MCOLN1: variants seen among roughly 807,000 people sequenced by gnomAD.
MCOLN1 encodes mucolipin TRP cation channel 1.
In MCOLN1, 50 loss-of-function variants were observed where a neutral mutation model predicts 70.3. The observed-to-expected ratio is 0.71, with a 90% CI of 0.57 to 0.90. MCOLN1 has a LOEUF of 0.90. Among genes scored for constraint, MCOLN1 ranks in the 40% least tolerant of loss-of-function variants. MCOLN1 has a pLI of 0.00. For synonymous variants in MCOLN1, 366 were observed against 341.0 expected (o/e 1.07, Z -0.81); for missense variants, 598 against 803.5 (o/e 0.74, Z 3.09).
intron 12 of MCOLN1, among the ~76,000 whole-genome samples, chr19:7,531,824 T>C (rs2022657096): frequency 6.6e-6 from 1 of 151,862 alleles, no homozygotes. Flanking sequence ...CACGCCACCA[T>C]GCCTGGCTAA....
At chr19:7,533,203 A>C (rs2022688366) in intron 12 of MCOLN1, among the ~76,000 whole-genome samples, 1 of 152,210 alleles carries the variant, frequency 6.6e-6, no homozygotes, top group Admixed American at 6.5e-5. Flanking sequence ...TGCTGTGCTC[A>C]GCGTGCATCC....
In MCOLN1 at chr19:7,526,889, C is replaced by T. The variant is rs2022579596; in HGVS notation, c.534C>T (p.Ala178=). ...RYYHRGHVDP[A]NDTFDIDPMV... ...ACCACCGAGGCCACGTGGACCCGGC[C>T]AACGACACATTTGACATTGATCCGA... The change falls in exon 4 of 14, where the codon GCC becomes GCT. Residue 178 remains alanine, a synonymous_variant. Transcript: ENST00000264079. The surrounding 1 kb of genome is among the most constrained non-coding windows in gnomAD (Gnocchi z 4.6). 6.2e-7 allele frequency: 1 copy of T among 1,613,822 alleles called. No individual in the cohort carries two copies. The highest frequency in any genetic ancestry group is 1.7e-5 in the Admixed American group (1 of 59,980).
intron 5 of MCOLN1, 100 bp from the exon 6 acceptor site, chr19:7,527,764 C>T (rs773519244): frequency 4.3e-6 from 5 of 1,168,708 alleles, no homozygotes; most frequent in Non-Finnish European, 6.5e-6. Flanking sequence ...GAGCACTTCC[C>T]CTGCCAGCTG....
Position 7,528,718 on chromosome 19 carries a change from T to C in MCOLN1, c.984+15T>C. On this transcript the variant is annotated intron_variant, in intron 8 of 13. Coordinates refer to ENST00000264079, the MANE Select transcript of MCOLN1 (RefSeq NM_020533.3). This position sits in a 1 kb window ranked among gnomAD's most constrained non-coding sequence, Gnocchi z 4.2. ...TGCTGCAGAACGTGAGGCTTCTGCG[T>C]CATGTGTGCTGGTGTCCTCCCCGCC... 1.2e-6 allele frequency: 2 copies of C among 1,614,164 alleles called. No homozygotes were observed. Among genetic ancestry groups the C allele is most frequent in the Non-Finnish European group, 8.5e-7 (1 of 1,180,010 alleles).
In MCOLN1 at chr19:7,530,332, A is replaced by G. The variant is rs797044818; in HGVS notation, c.1406A>G (p.Asn469Ser). The stretch of plus-strand genomic sequence containing the variant: ...TCTGAGTGCCTGTTCTCGCTCATCA[A>G]TGGGGACGACATGTTTGTGACGTTC... The part of the protein sequence containing the change: ...MVSECLFSLI[N>S]GDDMFVTFAA... The change falls in exon 12 of 14, where the codon AAT (asparagine) becomes AGT (serine). Residue 469 changes from asparagine to serine, a missense_variant. Physicochemically the swap from Asn to Ser is conservative, Grantham distance 46 (BLOSUM62 1). Coordinates refer to ENST00000264079, the MANE Select transcript of MCOLN1 (RefSeq NM_020533.3). 17 of 1,613,584 alleles carry G rather than the reference A, an allele frequency of 1.1e-5. No homozygotes were observed. Among genetic ancestry groups the G allele is most frequent in the East Asian group, 2.2e-5 (1 of 44,898 alleles).
chr19:7,527,744 C>T (rs368025676), intron 5 of MCOLN1, 116 bp downstream of exon 5: 39 of 1,094,200 alleles, frequency 3.6e-5, no homozygotes, highest in East Asian at 2.4e-4. Context: ...CGCGCTGGTG[C>T]CTGCTGGGTG....
Position 7,522,668 on chromosome 19 carries a change from A to G in MCOLN1, c.-83A>G, listed in dbSNP as rs549309682. ...AGGGTTTGAAGCCGCGCCGCGAGGG[A>G]GCGAGGTCGCAGTGACAGCGGCGGG... is the stretch of plus-strand genomic sequence containing the variant. On this transcript the variant is annotated 5_prime_UTR_variant, in exon 1 of 14. Transcript: ENST00000264079. The G allele has an allele frequency of 4.5e-5, 61 of 1,361,990 alleles. No individual in the cohort carries two copies. Among genetic ancestry groups the G allele is most frequent in the Admixed American group, 2.5e-4 (9 of 36,500 alleles). 84.4% of individuals were successfully genotyped at this position (1,361,990 alleles called of 1,614,324 possible).
At chr19:7,530,067 C>T (rs1002696372) in intron 11 of MCOLN1, among the ~76,000 whole-genome samples, 15 of 151,496 alleles carry the variant, frequency 9.9e-5, no homozygotes, top group African/African-American at 3.2e-4. Flanking sequence ...GCCTGGGTCC[C>T]GGCCATTCAC....
intron 12 of MCOLN1, among the ~76,000 whole-genome samples, chr19:7,532,634 G>C (rs1242226694): frequency 6.6e-6 from 1 of 152,184 alleles, no homozygotes; most frequent in Admixed American, 6.5e-5. Flanking sequence ...AGAATTGCTT[G>C]AACCTGGGAC....
At chr19:7,527,650 G>A (rs769565701) in intron 5 of MCOLN1, 22 bp downstream of exon 5, 2 of 1,539,904 alleles carry the variant, frequency 1.3e-6, no homozygotes, top group Non-Finnish European at 1.8e-6. Flanking sequence ...TCACTCGAGG[G>A]GGGCCCAGGG....
At position 7,527,791 on chromosome 19, in the gene MCOLN1, C is replaced by A. The variant is rs905069615; in HGVS notation, c.681-73C>A. ...TGCCAGCTGCAGAGTCAGCACGTGG[C>A]AGGGGACGCTGGCACTTGGGGCCGG... is the stretch of plus-strand genomic sequence containing the variant. On this transcript the variant is annotated intron_variant, in intron 5 of 13. Coordinates refer to ENST00000264079, the MANE Select transcript of MCOLN1 (RefSeq NM_020533.3). The A allele has an allele frequency of 6.2e-6, 8 of 1,300,012 alleles. No individual in the cohort carries two copies. The African/African-American group carries it at 7.3e-5, about 12-fold the overall frequency. The allele number at this position is 1,300,012 out of a possible 1,614,324, so 80.5% of individuals were successfully genotyped here.
rs1329137753 is a variant in MCOLN1, at chr19:7,524,293, G to A, written c.32-668G>A. Among the ~76,000 whole-genome samples the A allele has an allele frequency of 6.6e-6, 1 of 152,216 alleles. No individual in the cohort carries two copies. The highest frequency in any genetic ancestry group is 1.9e-4 in the East Asian group (1 of 5,202). On this transcript the variant is annotated intron_variant, in intron 1 of 13. Transcript: ENST00000264079. This position sits in a 1 kb window ranked among gnomAD's most constrained non-coding sequence, Gnocchi z 4.1. ...TCTAGGAGCTGGTGCTTTTCAGGGA[G>A]ATAAAATGAGTCTTTAGCGAATGTG...
At position 7,526,389 on chromosome 19, in the gene MCOLN1, C is replaced by G. The variant is rs1217934825; in HGVS notation, c.238-50C>G. ...CAGGGCCTGTGCCCTGAGGGAGATA[C>G]ACCCCAACCCCCATCCTAGCCATGC... On this transcript the variant is annotated intron_variant, in intron 2 of 13. Coordinates refer to ENST00000264079, the MANE Select transcript of MCOLN1 (RefSeq NM_020533.3). The surrounding 1 kb of genome is among the most constrained non-coding windows in gnomAD (Gnocchi z 4.6). 1 of 1,609,522 alleles carries G rather than the reference C, an allele frequency of 6.2e-7. No individual in the cohort carries two copies. Among genetic ancestry groups the G allele is most frequent in the Admixed American group, 1.7e-5 (1 of 60,026 alleles).
At position 7,528,864 on chromosome 19, in the gene MCOLN1, G is replaced by A. The variant is rs371225858; in HGVS notation, c.1028G>A (p.Ser343Asn). 1 of 1,614,106 alleles carries A rather than the reference G, an allele frequency of 6.2e-7. No homozygotes were observed. Among genetic ancestry groups the A allele is most frequent in the African/African-American group, 1.3e-5 (1 of 74,930 alleles). The change falls in exon 9 of 14, where the codon AGC (serine) becomes AAC (asparagine). Residue 343 changes from serine to asparagine, a missense_variant. Transcript: ENST00000264079. This position sits in a 1 kb window ranked among gnomAD's most constrained non-coding sequence, Gnocchi z 4.2. The stretch of plus-strand genomic sequence containing the variant: ...TGGCGGCAGCGGGGACGGGTCATCA[G>A]CCTGTGGGAGCGGCTGGAATTTGTC... ...FMWRQRGRVI[S>N]LWERLEFVNG...
Position 7,533,844 on chromosome 19 carries a change from C to T in MCOLN1, c.*49C>T, listed in dbSNP as rs764159698. 4.5e-6 allele frequency: 7 copies of T among 1,547,872 alleles called. No homozygotes were observed. The East Asian group carries it at 6.7e-5, about 15-fold the overall frequency. On this transcript the variant is annotated 3_prime_UTR_variant, in exon 14 of 14. Coordinates refer to ENST00000264079, the MANE Select transcript of MCOLN1 (RefSeq NM_020533.3). ...GTAGGCCCTGGACTGCAGAGACCCC[C>T]GCCCCCGACCCCGCTTATTTATTTG...
chr19:7,529,264 C>T, intron 10 of MCOLN1, 62 bp downstream of exon 10: 1 of 1,446,310 alleles, frequency 6.9e-7, no homozygotes, highest in Non-Finnish European at 9.6e-7. Context: ...CAAATAAATC[C>T]CTACACACGC....
chr19:7,529,207 G>A lies in MCOLN1; in HGVS notation c.1236+5G>A, dbSNP rs951227900. 2 of 1,609,718 alleles carry A rather than the reference G, an allele frequency of 1.2e-6. No individual in the cohort carries two copies. Among genetic ancestry groups the A allele is most frequent in the Non-Finnish European group, 1.7e-6 (2 of 1,178,248 alleles). On this transcript the variant is annotated splice_donor_5th_base_variant and intron_variant, in intron 10 of 13. Transcript: ENST00000264079. ...ACCTTCTTCCACAACTACAATGTGA[G>A]TTTTGCACATGCAGCTGGGCCTTCC...
rs928521366 is a variant in MCOLN1, at chr19:7,524,729, A to G, written c.32-232A>G. Among the ~76,000 whole-genome samples the G allele has an allele frequency of 9.2e-5, 14 of 152,190 alleles. No individual in the cohort carries two copies. The highest frequency in any genetic ancestry group is 1.9e-4 in the Non-Finnish European group (13 of 68,024). The stretch of plus-strand genomic sequence containing the variant: ...GAGCTGGTGAGCAGGAGGGGCAGGA[A>G]TCAGCCCAGGCCCTGTACCTCCCAA... On this transcript the variant is annotated intron_variant, in intron 1 of 13. Coordinates refer to ENST00000264079, the MANE Select transcript of MCOLN1 (RefSeq NM_020533.3). This position sits in a 1 kb window ranked among gnomAD's most constrained non-coding sequence, Gnocchi z 4.1.
Position 7,526,563 on chromosome 19 carries a change from C to G in MCOLN1, c.362C>G (p.Thr121Arg). ...DGADDTFAAYTREQLYQAIFH... is the reference protein window; with the variant it reads ...DGADDTFAAYRREQLYQAIFH... The stretch of plus-strand genomic sequence containing the variant: ...GCGGATGACACCTTCGCAGCCTACA[C>G]GCGGGAGCAGCTGTACCAGGCCATC... Residue 121 changes from threonine (T) to arginine (R), a missense_variant, in exon 3 of 14, where the codon ACG (threonine) becomes AGG (arginine). By Grantham distance (71) the Thr-to-Arg change is moderately conservative (BLOSUM62 -1). Transcript: ENST00000264079. This position sits in a 1 kb window ranked among gnomAD's most constrained non-coding sequence, Gnocchi z 4.6. The G allele has an allele frequency of 6.2e-7, 1 of 1,613,966 alleles. No individual in the cohort carries two copies. Among genetic ancestry groups the G allele is most frequent in the Non-Finnish European group, 8.5e-7 (1 of 1,180,026 alleles).
Sources: gnomAD v4.1 joint callset for allele counts (sites outside exome capture counted in the v4.1 genomes callset) on GRCh38, gnomAD v4.1.1 for gene constraint, Gnocchi (gnomAD v3.1) non-coding constraint, MANE v1.5 for transcripts, NCBI Gene and HGNC (gene_info 2026-07-23, HGNC 2026-07-21) for gene names.